The following LRRN3 variants were observed in gnomAD, a reference collection of about 807,000 sequenced individuals.
The protein encoded by LRRN3 is leucine rich repeat neuronal 3.
A neutral mutation model predicts 40.1 loss-of-function variants in LRRN3; 15 were observed. The observed-to-expected ratio is 0.37, with a 90% CI of 0.25 to 0.58. The LOEUF (loss-of-function observed/expected upper bound fraction) is 0.58. LRRN3 is among the 20% of genes least tolerant of loss of function. The pLI is 0.72. For synonymous variants in LRRN3, 308 were observed against 297.2 expected (o/e 1.04, Z -0.37); for missense variants, 746 against 837.7 (o/e 0.89, Z 1.35).
chr7:111,115,122 T>C (rs765773957), intron 2 of LRRN3, among the ~76,000 whole-genome samples: 3 of 152,078 alleles, frequency 2.0e-5, no homozygotes, highest in Non-Finnish European at 2.9e-5. Flanking sequence ...ACCATATAAA[T>C]GCTAAATAAC....
chr7:111,114,928 C>A (rs1366247882), intron 2 of LRRN3, among the ~76,000 whole-genome samples: 1 of 152,126 alleles, frequency 6.6e-6, no homozygotes, highest in Non-Finnish European at 1.5e-5. Flanking sequence ...CAATAGCCTA[C>A]TGTTAAAGTG....
At chr7:111,102,297 T>A (rs1046443933) in intron 2 of LRRN3, among the ~76,000 whole-genome samples, 2 of 151,484 alleles carry the variant, frequency 1.3e-5, no homozygotes, top group East Asian at 3.9e-4. Flanking sequence ...TTCTTTTTTT[T>A]AATGCATCAT....
chr7:111,122,966 C>T lies in LRRN3; in HGVS notation c.194C>T (p.Ala65Val), dbSNP rs551711784. ...GATTTAGGTCTTTTAACTTTCCCAGCCAGATTGCCAGCTAACACACAGATT... is the reference window on the plus strand; with the variant it reads ...GATTTAGGTCTTTTAACTTTCCCAGTCAGATTGCCAGCTAACACACAGATT... ...CNDLGLLTFP[A>V]RLPANTQILL... is the part of the protein sequence containing the mutation. The change falls in exon 3 of 3, where the codon GCC becomes GTC. Residue 65 changes from alanine to valine, a missense_variant. Transcript: ENST00000308478. 27 of 1,613,962 alleles carry T rather than the reference C, an allele frequency of 1.7e-5. No homozygotes were observed. The South Asian group carries it at 2.6e-4, about 16-fold the overall frequency.
chr7:111,118,831 C>A (rs1367965266), intron 2 of LRRN3, among the ~76,000 whole-genome samples: 1 of 152,104 alleles, frequency 6.6e-6, no homozygotes, highest in African/African-American at 2.4e-5. Context: ...TTGCTTCCTA[C>A]AGACCAGGAG....
intron 2 of LRRN3, among the ~76,000 whole-genome samples, chr7:111,110,050 G>T (rs1481626498): frequency 6.6e-6 from 1 of 152,120 alleles, no homozygotes; most frequent in African/African-American, 2.4e-5. Flanking sequence ...CAGGAGAATC[G>T]CTTGAACCCA....
chr7:111,100,186 T>G (rs1797822483), intron 2 of LRRN3, among the ~76,000 whole-genome samples: 1 of 151,616 alleles, frequency 6.6e-6, no homozygotes, highest in Admixed American at 6.6e-5. Flanking sequence ...GTTACATGAA[T>G]AAATTATTTA....
intron 2 of LRRN3, among the ~76,000 whole-genome samples, chr7:111,119,337 G>A (rs1800295949): frequency 6.6e-6 from 1 of 152,144 alleles, no homozygotes; most frequent in South Asian, 2.1e-4. Context: ...GTAACCATCT[G>A]TTTACTTCTG....
chr7:111,108,821 A>C lies in LRRN3; in HGVS notation c.-359+8859A>C, dbSNP rs527989683. 2.0e-5 allele frequency among the ~76,000 whole-genome samples: 3 copies of C among 152,176 alleles called. No homozygotes were observed. In the South Asian group the frequency reaches 6.2e-4, roughly 31 times the overall value. The stretch of plus-strand genomic sequence containing the variant: ...TCACAAATGAGTACCTCGTACAGCA[A>C]ATTTTTTTAAATGTATAATAAGATG... On this transcript the variant is annotated intron_variant, in intron 2 of 2. Transcript: ENST00000308478.
At chr7:111,106,881 AAGAGT>A (rs1798608797) in intron 2 of LRRN3, among the ~76,000 whole-genome samples, 2 of 151,754 alleles carry the variant, frequency 1.3e-5, no homozygotes, top group South Asian at 4.2e-4. Context: ...CTTTGTTTAG[AAGAGT>A]AAAGGAAAAC....
intron 2 of LRRN3, among the ~76,000 whole-genome samples, chr7:111,114,202 A>C (rs1305703507): frequency 6.6e-6 from 1 of 152,090 alleles, no homozygotes; most frequent in Non-Finnish European, 1.5e-5. Context: ...ACAAGTGTAT[A>C]TAAATTACTC....
rs561889613 is a variant in LRRN3, at chr7:111,108,662, A to G, written c.-359+8700A>G. Among the ~76,000 whole-genome samples the G allele has an allele frequency of 1.7e-4, 26 of 152,230 alleles. No homozygotes were observed. In the South Asian group the frequency reaches 5.4e-3, roughly 32 times the overall value. ...TTAATTATACCCTTCTAAAGTGGGTATTGTTACACTTTTGTAATCTCCTGA... is the reference window on the plus strand; with the variant it reads ...TTAATTATACCCTTCTAAAGTGGGTGTTGTTACACTTTTGTAATCTCCTGA... On this transcript the variant is annotated intron_variant, in intron 2 of 2. Coordinates refer to ENST00000308478, the MANE Select transcript of LRRN3 (RefSeq NM_001099658.2).
At chr7:111,094,656 A>G (rs1243442415) in intron 1 of LRRN3, among the ~76,000 whole-genome samples, 2 of 152,294 alleles carry the variant, frequency 1.3e-5, no homozygotes, top group East Asian at 1.9e-4. Context: ...GCTTCACTGT[A>G]TAACAACTGA....
At chr7:111,107,237 TAGAC>T (rs1435400247) in intron 2 of LRRN3, among the ~76,000 whole-genome samples, 3 of 152,024 alleles carry the variant, frequency 2.0e-5, no homozygotes, top group Admixed American at 6.6e-5. Flanking sequence ...ACTTTCTTTT[TAGAC>T]AGACTTTGAA....
At chr7:111,095,308 T>C (rs889386072) in intron 1 of LRRN3, among the ~76,000 whole-genome samples, 10 of 152,008 alleles carry the variant, frequency 6.6e-5, no homozygotes, top group African/African-American at 1.9e-4. Flanking sequence ...CAGCTATTTA[T>C]TGGAGAGGCC....
In LRRN3 at chr7:111,122,741, G is replaced by A. The variant is rs1213501734; in HGVS notation, c.-32G>A. The A allele has an allele frequency of 1.6e-5, 25 of 1,554,146 alleles. 1 individual carries two copies. The highest frequency in any genetic ancestry group is 2.2e-5 in the Non-Finnish European group (25 of 1,137,540). On this transcript the variant is annotated 5_prime_UTR_variant, in exon 3 of 3. Transcript: ENST00000308478. Reference sequence around the variant, plus strand: ...TAGCACTGACTGTGGAATCCTTAAGGGCCCATTACATTTCTGAAGAAGAAA... The same window carrying A: ...TAGCACTGACTGTGGAATCCTTAAGAGCCCATTACATTTCTGAAGAAGAAA...
At chr7:111,103,275 G>A (rs150945786) in intron 2 of LRRN3, among the ~76,000 whole-genome samples, 267 of 151,416 alleles carry the variant, frequency 1.8e-3, no homozygotes, top group African/African-American at 5.0e-3. Flanking sequence ...TATCTATTCC[G>A]TTGCCAACAA....
chr7:111,121,972 G>C (rs1400090325), intron 2 of LRRN3, among the ~76,000 whole-genome samples: 1 of 150,746 alleles, frequency 6.6e-6, no homozygotes, highest in South Asian at 2.1e-4. Flanking sequence ...GCAAACTATC[G>C]CAAGGACAAA....
chr7:111,118,073 C>A (rs907780945), intron 2 of LRRN3, among the ~76,000 whole-genome samples: 1 of 152,098 alleles, frequency 6.6e-6, no homozygotes, highest in Non-Finnish European at 1.5e-5. Flanking sequence ...TTTGGAGGAA[C>A]AGAATTAAGC....
rs757334230 is a variant in LRRN3 at position 111,123,359 on chromosome 7, G to C, written c.587G>C (p.Gly196Ala). Reference sequence around the variant, plus strand: ...CCAAATCTAGAGATTCTGATGATTGGGGAAAATCCAATTATCAGAATCAAA... The same window carrying C: ...CCAAATCTAGAGATTCTGATGATTGCGGAAAATCCAATTATCAGAATCAAA... Reference protein sequence around the residue: ...ALPNLEILMIGENPIIRIKDM... With the variant: ...ALPNLEILMIAENPIIRIKDM... The change falls in exon 3 of 3, where the codon GGG becomes GCG. Residue 196 changes from glycine to alanine, a missense_variant. Gly to Ala is a moderately conservative substitution (Grantham distance 60). Transcript: ENST00000308478. This position sits in a 1 kb window ranked among gnomAD's most constrained non-coding sequence, Gnocchi z 6.4. The C allele has an allele frequency of 3.7e-6, 6 of 1,613,644 alleles. No individual in the cohort carries two copies. In the South Asian group the frequency reaches 6.6e-5, roughly 18 times the overall value.
Sources: allele counts gnomAD v4.1 joint callset (sites outside exome capture counted in the v4.1 genomes callset), GRCh38; gene constraint gnomAD v4.1.1; non-coding constraint Gnocchi (gnomAD v3.1); transcripts MANE v1.5; gene names NCBI Gene and HGNC (gene_info 2026-07-23, HGNC 2026-07-21).